Variants in MAP4K1 observed in about 807,000 individuals in gnomAD.
MAP4K1 encodes the protein mitogen-activated protein kinase kinase kinase kinase 1.
In MAP4K1, 35 loss-of-function variants were observed where a neutral mutation model predicts 122.8. The ratio of observed to expected loss-of-function variants is 0.29; its 90% CI spans 0.22 to 0.38. MAP4K1 has a LOEUF of 0.38. MAP4K1 is among the 10% of genes least tolerant of loss of function. The probability of loss-of-function intolerance (pLI) is 1.00; values close to 1 mark genes in which losing one functional copy is unlikely to be tolerated. For synonymous variants in MAP4K1, 412 were observed against 421.3 expected (o/e 0.98, Z 0.27); for missense variants, 791 against 1,072.6 (o/e 0.74, Z 3.67).
rs1446295133 is a variant in MAP4K1, at chr19:38,597,794, G to C, written c.1670-200C>G. ...ATTGTAGGCCAGGCCTGCTGTGCTT[G>C]GCTCTGGTGAACAGTGATGAGCATA... On this transcript the variant is annotated intron_variant, in intron 22 of 30. Transcript: ENST00000396857. This position sits in a 1 kb window ranked among gnomAD's most constrained non-coding sequence, Gnocchi z 4.6. Among the ~76,000 whole-genome samples, 1 of 152,124 alleles carries C rather than the reference G, an allele frequency of 6.6e-6. No homozygotes were observed. Among genetic ancestry groups the C allele is most frequent in the African/African-American group, 2.4e-5 (1 of 41,418 alleles).
At chr19:38,596,218 C>G in intron 26 of MAP4K1, 94 bp downstream of exon 26, 7 of 1,452,406 alleles carry the variant, frequency 4.8e-6, no homozygotes, top group Non-Finnish European at 6.4e-6. Flanking sequence ...CTTTCTCAGT[C>G]CCGTAGTGCC....
intron 25 of MAP4K1, among the ~76,000 whole-genome samples, 168 bp downstream of exon 25, chr19:38,596,866 A>G (rs971920235): frequency 6.6e-6 from 1 of 152,176 alleles, no homozygotes; most frequent in Non-Finnish European, 1.5e-5. Flanking sequence ...GGATGGCTTC[A>G]GAAGGACGAG....
intron 20 of MAP4K1, 54 bp from the exon 21 acceptor site, chr19:38,600,207 G>T: frequency 6.8e-7 from 1 of 1,475,794 alleles, no homozygotes. Context: ...GGACCTCCCA[G>T]ATCCCCACCT....
intron 4 of MAP4K1, chr19:38,615,000 T>C (rs1476789983): frequency 6.8e-6 from 1 of 147,676 alleles, no homozygotes; most frequent in East Asian, 2.0e-4. Context: ...GAATATGATA[T>C]AGTTCCTCAG....
chr19:38,617,924 C>T lies in MAP4K1; in HGVS notation c.-29G>A, dbSNP rs745820269. 5.7e-6 allele frequency: 9 copies of T among 1,580,442 alleles called. No individual in the cohort carries two copies. The highest frequency in any genetic ancestry group is 6.1e-6 in the Non-Finnish European group (7 of 1,149,750). On this transcript the variant is annotated 5_prime_UTR_variant, in exon 1 of 31. Coordinates refer to ENST00000396857, the MANE Select transcript of MAP4K1 (RefSeq NM_001042600.3). This position sits in a 1 kb window ranked among gnomAD's most constrained non-coding sequence, Gnocchi z 4.1. ...TGGGGGCCTGAGCTGGGCCTGCGCC[C>T]AGGGGCCAGCAGGGCCTCAGGGCTC...
intron 22 of MAP4K1, 83 bp downstream of exon 22, chr19:38,599,842 G>T: frequency 7.6e-7 from 1 of 1,324,370 alleles, no homozygotes; most frequent in Non-Finnish European, 1.1e-6. Flanking sequence ...TTTTTTTTCA[G>T]CTGTGCCCGT....
Position 38,614,038 on chromosome 19 carries a change from C to T in MAP4K1, c.460+5G>A. On this transcript the variant is annotated splice_donor_5th_base_variant and intron_variant, in intron 7 of 30. Transcript: ENST00000396857. ...CCCCCCTGCTCAACCCCCAGCCTTA[C>T]TCACCCAATCTGACCTCCCCAGCAT... 6.2e-7 allele frequency: 1 copy of T among 1,612,546 alleles called. No homozygotes were observed. The highest frequency in any genetic ancestry group is 8.5e-7 in the Non-Finnish European group (1 of 1,179,316).
rs773911482 is a variant in MAP4K1 at position 38,608,079 on chromosome 19, GGT to G, written c.1065+31_1065+32del. On this transcript the variant is annotated intron_variant, in intron 14 of 30. Coordinates refer to ENST00000396857, the MANE Select transcript of MAP4K1 (RefSeq NM_001042600.3). Reference sequence around the variant, plus strand: ...CAGCAGTGGCCTCAGGGAAGCAGGCGGTGTGGTGGGGAGTGGGGGGACAGCAT... The same window carrying G: ...CAGCAGTGGCCTCAGGGAAGCAGGCGGTGGTGGGGAGTGGGGGGACAGCAT... 3 of 1,561,884 alleles carry G rather than the reference GGT, an allele frequency of 1.9e-6. No individual in the cohort carries two copies. The Admixed American group carries it at 5.7e-5, about 29-fold the overall frequency.
chr19:38,598,244 T>C (rs1272512653), intron 22 of MAP4K1, among the ~76,000 whole-genome samples: 1 of 152,074 alleles, frequency 6.6e-6, no homozygotes, highest in African/African-American at 2.4e-5. Flanking sequence ...TTGGCCAGTC[T>C]GGTCTCGAAC....
intron 30 of MAP4K1, among the ~76,000 whole-genome samples, chr19:38,591,827 C>T (rs373619573): frequency 4.0e-5 from 6 of 151,846 alleles, no homozygotes; most frequent in African/African-American, 4.8e-5. Flanking sequence ...AAAAATTAGC[C>T]GGGCACAGTG....
chr19:38,597,289 C>T lies in MAP4K1; in HGVS notation c.1837+37G>A, dbSNP rs768402825. ...TCAAGCCCCTCCTCTGGCCTGGCCC[C>T]GCCCACTCTCTGCACACCCGTGAAG... is the stretch of plus-strand genomic sequence containing the variant. On this transcript the variant is annotated intron_variant, in intron 24 of 30. Coordinates refer to ENST00000396857, the MANE Select transcript of MAP4K1 (RefSeq NM_001042600.3). The surrounding 1 kb of genome is among the most constrained non-coding windows in gnomAD (Gnocchi z 4.6). The T allele has an allele frequency of 1.9e-6, 3 of 1,613,092 alleles. No individual in the cohort carries two copies. Among genetic ancestry groups the T allele is most frequent in the Non-Finnish European group, 2.5e-6 (3 of 1,179,500 alleles).
At chr19:38,602,777 C>T (rs1175643281) in intron 19 of MAP4K1, among the ~76,000 whole-genome samples, 11 of 145,528 alleles carry the variant, frequency 7.6e-5, no homozygotes, top group Middle Eastern at 5.0e-3. Flanking sequence ...TACATATATA[C>T]ACATATACAT....
rs991527285 is a variant in MAP4K1, at chr19:38,602,603, T to C, written c.1447-1078A>G. ...ATATACACATGTACATATATACGCA[T>C]ATACATATATATACACATATACATA... On this transcript the variant is annotated intron_variant, in intron 19 of 30. Transcript: ENST00000396857. 2.7e-5 allele frequency among the ~76,000 whole-genome samples: 4 copies of C among 148,578 alleles called. No homozygotes were observed. In the East Asian group the frequency reaches 5.9e-4, roughly 22 times the overall value.
chr19:38,612,934 G>A (rs976310023), intron 8 of MAP4K1, among the ~76,000 whole-genome samples, 192 bp from the exon 9 acceptor site: 1 of 152,208 alleles, frequency 6.6e-6, no homozygotes, highest in African/African-American at 2.4e-5. Context: ...GCTCACGCCT[G>A]TAATCCCAGC....
At chr19:38,615,440 G>A (rs1448967276) in intron 4 of MAP4K1, among the ~76,000 whole-genome samples, 1 of 151,898 alleles carries the variant, frequency 6.6e-6, no homozygotes, top group South Asian at 2.1e-4. Context: ...CATACAAAAG[G>A]AACAGGATTG....
At chr19:38,593,573 C>T (rs537428663) in intron 29 of MAP4K1, among the ~76,000 whole-genome samples, 18 of 152,302 alleles carry the variant, frequency 1.2e-4, no homozygotes, top group Middle Eastern at 3.4e-3. Flanking sequence ...CATGGTGGTG[C>T]GCGCCTATAG....
chr19:38,603,749 C>T (rs762967947), intron 19 of MAP4K1, among the ~76,000 whole-genome samples: 1 of 152,104 alleles, frequency 6.6e-6, no homozygotes, highest in African/African-American at 2.4e-5. Context: ...TTTGGGAGGC[C>T]GAGGCTGGCA....
At chr19:38,605,541 G>A (rs372816620) in intron 18 of MAP4K1, 27 bp downstream of exon 18, 112 of 910,164 alleles carry the variant, frequency 1.2e-4, no homozygotes, top group Admixed American at 1.7e-4. Context: ...CAACCCTCCC[G>A]CCCTCCACCC....
intron 19 of MAP4K1, 184 bp from the exon 20 acceptor site, chr19:38,601,709 T>G (rs1018523078): frequency 3.5e-4 from 196 of 564,866 alleles, no homozygotes; most frequent in Admixed American, 5.2e-4. Context: ...TCTTTTCAGT[T>G]TGTTTTTGTT....
Sources: allele counts gnomAD v4.1 joint callset (sites outside exome capture counted in the v4.1 genomes callset), GRCh38; gene constraint gnomAD v4.1.1; non-coding constraint Gnocchi (gnomAD v3.1); transcripts MANE v1.5; gene names NCBI Gene and HGNC (gene_info 2026-07-23, HGNC 2026-07-21).